The following NWD2 variants were observed in gnomAD, a reference collection of about 807,000 sequenced individuals.
NWD2 encodes NACHT and WD repeat domain-containing protein 2.
A neutral mutation model predicts 132.7 loss-of-function variants in NWD2; 37 were observed. That is an observed-to-expected ratio of 0.28 (90% CI 0.21 to 0.37). The LOEUF (loss-of-function observed/expected upper bound fraction) is 0.37, where lower values mean the gene tolerates loss of function less well. NWD2 is among the 10% of genes least tolerant of loss of function. NWD2 has a pLI of 1.00. For missense variants in NWD2, 1,592 were observed against 2,122.4 expected (o/e 0.75, Z 4.91); for synonymous variants, 705 against 803.0 (o/e 0.88, Z 2.06).
intron 2 of NWD2, among the ~76,000 whole-genome samples, chr4:37,344,778 CA>C (rs1478707421): frequency 7.9e-5 from 12 of 152,114 alleles, no homozygotes; most frequent in African/African-American, 2.9e-4. Flanking sequence ...TTAGTACATT[CA>C]CAATTGTGTA....
At position 37,445,923 on chromosome 4, in the gene NWD2, T is replaced by C. The variant is rs1712623396; in HGVS notation, c.3935T>C (p.Ile1312Thr). 2 of 1,551,778 alleles carry C rather than the reference T, an allele frequency of 1.3e-6. No individual in the cohort carries two copies. Among genetic ancestry groups the C allele is most frequent in the Non-Finnish European group, 1.7e-6 (2 of 1,147,020 alleles). The change falls in exon 7 of 7, where the codon ATA becomes ACA. Residue 1312 changes from isoleucine (I) to threonine (T), a missense_variant. Transcript: ENST00000309447. This position sits in a 1 kb window ranked among gnomAD's most constrained non-coding sequence, Gnocchi z 4.7. ...GATATAATCACAGCTATGTCCAACA[T>C]AGATAAGACTGGAAAACCCATCCAA... ...DIDIITAMSN[I>T]DKTGKPIQSL...
rs1207306936 is a variant in NWD2 at position 37,399,358 on chromosome 4, AG to A, written c.358-31213del. ...ACAGGCCTGGATTCAGCTTAACCCC[AG>A]TTTATATTATTTTTAATTCCAGACA... On this transcript the variant is annotated intron_variant, in intron 3 of 6. Coordinates refer to ENST00000309447, the MANE Select transcript of NWD2 (RefSeq NM_001144990.2). 4.6e-5 allele frequency among the ~76,000 whole-genome samples: 7 copies of A among 152,310 alleles called. No homozygotes were observed. In the East Asian group the frequency reaches 1.4e-3, roughly 29 times the overall value.
At chr4:37,384,138 CAG>C (rs1168627311) in intron 3 of NWD2, among the ~76,000 whole-genome samples, 6 of 152,150 alleles carry the variant, frequency 3.9e-5, no homozygotes, top group Non-Finnish European at 8.8e-5. Flanking sequence ...TTTTTAGGAG[CAG>C]ACAGACTTAG....
At chr4:37,371,536 A>G (rs1720230567) in intron 3 of NWD2, among the ~76,000 whole-genome samples, 1 of 152,222 alleles carries the variant, frequency 6.6e-6, no homozygotes, top group Non-Finnish European at 1.5e-5. Flanking sequence ...TATGAAAATG[A>G]CTTTGCTCTT....
chr4:37,367,011 A>G (rs1169608404), intron 3 of NWD2, among the ~76,000 whole-genome samples: 1 of 152,190 alleles, frequency 6.6e-6, no homozygotes, highest in Non-Finnish European at 1.5e-5. Flanking sequence ...ACATTCAATA[A>G]CTGCAAAATA....
intron 1 of NWD2, among the ~76,000 whole-genome samples, chr4:37,263,279 TACTG>T (rs1166724951): frequency 1.3e-5 from 2 of 152,162 alleles, no homozygotes; most frequent in African/African-American, 4.8e-5. Flanking sequence ...TCAAGAATCA[TACTG>T]ACTATTTTTT....
intron 1 of NWD2, among the ~76,000 whole-genome samples, chr4:37,252,083 C>T (rs1345876210): frequency 6.6e-6 from 1 of 152,130 alleles, no homozygotes; most frequent in Non-Finnish European, 1.5e-5. Context: ...GTTAGTTTGG[C>T]TTTCCCGATA....
At chr4:37,319,991 G>C (rs1370819953) in intron 1 of NWD2, among the ~76,000 whole-genome samples, 2 of 152,160 alleles carry the variant, frequency 1.3e-5, no homozygotes, top group Non-Finnish European at 1.5e-5. Context: ...TTTTAGAATA[G>C]TTTTTTATAG....
chr4:37,254,837 AAG>A (rs779993389), intron 1 of NWD2, among the ~76,000 whole-genome samples: 67 of 152,356 alleles, frequency 4.4e-4, no homozygotes, highest in Non-Finnish European at 8.1e-4. Flanking sequence ...AAATATTTCA[AAG>A]ACTGTGAAAT....
intron 2 of NWD2, among the ~76,000 whole-genome samples, chr4:37,338,290 C>G (rs949850316): frequency 5.3e-5 from 8 of 152,204 alleles, no homozygotes; most frequent in African/African-American, 1.9e-4. Flanking sequence ...CCGTGACTGC[C>G]ACTAGGCATC....
At chr4:37,363,448 C>T (rs1319776590) in intron 3 of NWD2, among the ~76,000 whole-genome samples, 3 of 152,172 alleles carry the variant, frequency 2.0e-5, no homozygotes, top group African/African-American at 2.4e-5. Flanking sequence ...TGGAATACTA[C>T]ACAGCCATAG....
chr4:37,246,373 A>C (rs1237094104), intron 1 of NWD2, among the ~76,000 whole-genome samples: 1 of 152,240 alleles, frequency 6.6e-6, no homozygotes, highest in African/African-American at 2.4e-5. Flanking sequence ...TAAAGCTTAC[A>C]TTATGAGAAG....
At chr4:37,379,597 C>T (rs763719488) in intron 3 of NWD2, among the ~76,000 whole-genome samples, 1 of 152,104 alleles carries the variant, frequency 6.6e-6, no homozygotes, top group Non-Finnish European at 1.5e-5. Context: ...TTCACTGAGA[C>T]ACGGAATTGT....
chr4:37,421,870 T>G (rs1560251655), intron 3 of NWD2, among the ~76,000 whole-genome samples: 1 of 152,114 alleles, frequency 6.6e-6, no homozygotes, highest in Non-Finnish European at 1.5e-5. Context: ...GTCTGGGAAC[T>G]GGAAGTTTAA....
In NWD2 at chr4:37,443,962, C is replaced by T; in HGVS notation, c.1974C>T (p.Val658=). 1.3e-6 allele frequency: 2 copies of T among 1,552,328 alleles called. No individual in the cohort carries two copies. The highest frequency in any genetic ancestry group is 2.7e-5 in the African/African-American group (2 of 73,160). ...SLEKKCGQKL[V]SRALGYITMA... ...AGAAGAAGTGTGGTCAGAAACTGGT[C>T]TCTAGGGCTCTTGGTTACATCACCA... Residue 658 remains valine, a synonymous_variant, in exon 7 of 7, where the codon GTC becomes GTT. Coordinates refer to ENST00000309447, the MANE Select transcript of NWD2 (RefSeq NM_001144990.2). The surrounding 1 kb of genome is among the most constrained non-coding windows in gnomAD (Gnocchi z 4.1).
chr4:37,327,016 C>T (rs1039799035), intron 2 of NWD2, among the ~76,000 whole-genome samples: 1 of 152,152 alleles, frequency 6.6e-6, no homozygotes, highest in Non-Finnish European at 1.5e-5. Context: ...TCATAAGTCA[C>T]CATTTACTTG....
chr4:37,412,124 G>A (rs1721171625), intron 3 of NWD2, among the ~76,000 whole-genome samples: 1 of 152,204 alleles, frequency 6.6e-6, no homozygotes, highest in Non-Finnish European at 1.5e-5. Context: ...AGTATTGGAA[G>A]TTCTGGCCAG....
intron 3 of NWD2, among the ~76,000 whole-genome samples, chr4:37,394,213 G>A (rs1434411181): frequency 2.6e-5 from 4 of 152,144 alleles, no homozygotes; most frequent in Non-Finnish European, 4.4e-5. Flanking sequence ...TATCTGTCTA[G>A]CATCTGTTTT....
chr4:37,308,405 G>C (rs1030067140), intron 1 of NWD2, among the ~76,000 whole-genome samples: 5 of 152,298 alleles, frequency 3.3e-5, no homozygotes, highest in Admixed American at 6.5e-5. Flanking sequence ...TAGATTGTGA[G>C]TGTTTGTGGA....
Sources: allele counts gnomAD v4.1 joint callset (sites outside exome capture counted in the v4.1 genomes callset), GRCh38; gene constraint gnomAD v4.1.1; non-coding constraint Gnocchi (gnomAD v3.1); transcripts MANE v1.5; gene names NCBI Gene and HGNC (gene_info 2026-07-23, HGNC 2026-07-21).